Variants in TNXB observed in about 807,000 individuals in gnomAD.
The protein encoded by TNXB is tenascin XB, also known as tenascin-X.
In TNXB, 183 loss-of-function variants were observed where a neutral mutation model predicts 340.5. The observed-to-expected ratio is 0.54, with a 90% CI of 0.48 to 0.61. The LOEUF is 0.61. Ranked by LOEUF, TNXB falls within the 20% of genes least tolerant of loss-of-function variation. The probability of loss-of-function intolerance (pLI) is 0.00; values close to 1 mark genes in which losing one functional copy is unlikely to be tolerated. For synonymous variants in TNXB, 2,121 were observed against 2,314.5 expected, an observed-to-expected ratio of 0.92 and a Z score of 2.40; for missense variants, 4,613 against 5,446.4, an observed-to-expected ratio of 0.85 and a Z score of 4.82.
At chr6:32,099,969 A>C (rs1780632428) in intron 1 of TNXB, among the ~76,000 whole-genome samples, 1 of 150,672 alleles carries the variant, frequency 6.6e-6, no homozygotes, top group Non-Finnish European at 1.5e-5. Context: ...AAAAAAAAAA[A>C]ACAGTCATTC....
At chr6:32,060,893 C>T (rs996326368) in intron 21 of TNXB, among the ~76,000 whole-genome samples, 3 of 152,030 alleles carry the variant, frequency 2.0e-5, no homozygotes, top group African/African-American at 7.3e-5. Context: ...CCCGCCTCGG[C>T]CTCCCAAAGT....
chr6:32,056,588 G>A lies in TNXB; in HGVS notation c.8141C>T (p.Thr2714Met), dbSNP rs1192872355. Residue 2714 changes from threonine (T) to methionine (M), a missense_variant and splice_region_variant, in exon 23 of 44, where the codon ACG becomes ATG. Physicochemically the swap from Thr to Met is moderately conservative, Grantham distance 81. Transcript: ENST00000644971. The part of the protein sequence containing the change: ...RVGPISVIGV[T>M]AAEEETPSPT... ...TGGGGCTGCCATCATCCACTCACCC[G>A]TCACCCCAATGACAGAGATGGGGCC... 2.9e-5 allele frequency: 47 copies of A among 1,612,684 alleles called. No individual in the cohort carries two copies. The highest frequency in any genetic ancestry group is 5.5e-5 in the South Asian group (5 of 91,074).
rs781372422 is a variant in TNXB at position 32,055,831 on chromosome 6, C to T, written c.8467+20G>A. ...AAGCAACATCTTCTAGGGCCATCTTCCTCACTCACAAACACTCACCTGTCA... is the reference window on the plus strand; with the variant it reads ...AAGCAACATCTTCTAGGGCCATCTTTCTCACTCACAAACACTCACCTGTCA... On this transcript the variant is annotated intron_variant, in intron 24 of 43. Transcript: ENST00000644971. The T allele has an allele frequency of 6.3e-7, 1 of 1,597,652 alleles. No homozygotes were observed. Among genetic ancestry groups the T allele is most frequent in the East Asian group, 2.2e-5 (1 of 44,448 alleles).
rs1228236916 is a variant in TNXB, at chr6:32,081,589, G to A, written c.3821C>T (p.Pro1274Leu). The A allele has an allele frequency of 5.6e-6, 9 of 1,602,816 alleles. No individual in the cohort carries two copies. The highest frequency in any genetic ancestry group is 1.3e-5 in the African/African-American group (1 of 74,808). ...TGTCCATGAGAGACGCAAGGAGTCT[G>A]GGGTCACGCCGGTCACTGTCAGTTC... ...LGELTVTGVT[P>L]DSLRLSWTVA... The change falls in exon 10 of 44, where the codon CCA (proline) becomes CTA (leucine). Residue 1274 changes from proline to leucine, a missense_variant. Physicochemically the swap from Pro to Leu is moderately conservative, Grantham distance 98. Coordinates refer to ENST00000644971, the MANE Select transcript of TNXB (RefSeq NM_001365276.2). The surrounding 1 kb of genome is among the most constrained non-coding windows in gnomAD (Gnocchi z 5.1).
Position 32,084,221 on chromosome 6 carries a change from C to T in TNXB, c.3445+192G>A, listed in dbSNP as rs1687821232. On this transcript the variant is annotated intron_variant, in intron 8 of 43. Transcript: ENST00000644971. The surrounding 1 kb of genome is among the most constrained non-coding windows in gnomAD (Gnocchi z 5.5). ...GGCCATGCTCTCCCCACCTTACTCA[C>T]CGTGACTCCCTCAGGCTGCACTGAG... is the stretch of plus-strand genomic sequence containing the variant. 6.6e-6 allele frequency among the ~76,000 whole-genome samples: 1 copy of T among 152,198 alleles called. No individual in the cohort carries two copies. The highest frequency in any genetic ancestry group is 2.4e-5 in the African/African-American group (1 of 41,438).
At chr6:32,102,551 A>G (rs900431538) in intron 1 of TNXB, among the ~76,000 whole-genome samples, 1 of 151,448 alleles carries the variant, frequency 6.6e-6, no homozygotes. Flanking sequence ...ATACTCTTAT[A>G]TACCCTTCCT....
At chr6:32,092,518 G>A (rs1780119888) in intron 4 of TNXB, among the ~76,000 whole-genome samples, 2 of 152,094 alleles carry the variant, frequency 1.3e-5, no homozygotes, top group African/African-American at 4.8e-5. Flanking sequence ...AATATACTCT[G>A]TACCCACAGA....
In TNXB at chr6:32,085,641, G is replaced by T; in HGVS notation, c.3148+109C>A. The T allele has an allele frequency of 2.3e-6, 3 of 1,298,026 alleles. No homozygotes were observed. The highest frequency in any genetic ancestry group is 3.1e-6 in the Non-Finnish European group (3 of 983,272). 80.4% of individuals were successfully genotyped at this position (1,298,026 alleles called of 1,614,324 possible). On this transcript the variant is annotated intron_variant, in intron 7 of 43. Transcript: ENST00000644971. The surrounding 1 kb of genome is among the most constrained non-coding windows in gnomAD (Gnocchi z 6.4). Reference sequence around the variant, plus strand: ...CTCCTCTATCCAGCCCCAAACATCAGCCCTGCCCTTCACTGGCCCCTCAAT... The same window carrying T: ...CTCCTCTATCCAGCCCCAAACATCATCCCTGCCCTTCACTGGCCCCTCAAT...
Position 32,049,716 on chromosome 6 carries a change from TG to T in TNXB, c.9440-130del. 1.6e-6 allele frequency: 2 copies of T among 1,236,498 alleles called. No homozygotes were observed. Among genetic ancestry groups the T allele is most frequent in the Non-Finnish European group, 1.1e-6 (1 of 905,034 alleles). The allele number at this position is 1,236,498 out of a possible 1,614,324, so 76.6% of individuals were successfully genotyped here. A position where few individuals can be genotyped will look rare whatever the true frequency, so the allele number is the denominator to read the frequency against. On this transcript the variant is annotated intron_variant, in intron 27 of 43. Coordinates refer to ENST00000644971, the MANE Select transcript of TNXB (RefSeq NM_001365276.2). This position sits in a 1 kb window ranked among gnomAD's most constrained non-coding sequence, Gnocchi z 4.5. Reference sequence around the variant, plus strand: ...AGAGAAGTCCATTCTTGGGGCTGGGTGGTCCTGCTCAGCTGACAGCTAACAC... The same window carrying T: ...AGAGAAGTCCATTCTTGGGGCTGGGTGTCCTGCTCAGCTGACAGCTAACAC...
chr6:32,056,134 A>C lies in TNXB; in HGVS notation c.8184T>G (p.Thr2728=), dbSNP rs1007352648. 9 of 1,612,280 alleles carry C rather than the reference A, an allele frequency of 5.6e-6. No homozygotes were observed. In the African/African-American group the frequency reaches 9.4e-5, roughly 17 times the overall value. ...EETPSPTELS[T]EAPEPPEEPL... is the part of the protein sequence containing the mutation. Reference sequence around the variant, plus strand: ...GCTCCTCAGGGGGCTCCGGGGCCTCAGTGCTGAGTTCCGTGGGGCTGGGGG... The same window carrying C: ...GCTCCTCAGGGGGCTCCGGGGCCTCCGTGCTGAGTTCCGTGGGGCTGGGGG... Residue 2728 remains threonine, a synonymous_variant, in exon 24 of 44, where the codon ACT becomes ACG. Coordinates refer to ENST00000644971, the MANE Select transcript of TNXB (RefSeq NM_001365276.2).
Position 32,042,511 on chromosome 6 carries a change from G to A in TNXB, c.12154C>T (p.Arg4052Cys), listed in dbSNP as rs555934711. The change falls in exon 40 of 44, where the codon CGC (arginine) becomes TGC (cysteine). Residue 4052 changes from arginine (R) to cysteine (C), a missense_variant. Physicochemically the swap from Arg to Cys is radical, Grantham distance 180. Transcript: ENST00000644971. ...CAAAACACGTTCAGGGGCCGCTCGC[G>A]GTTGCCGTTGAGGAAGATGGTGCTG... ...RTSTIFLNGN[R>C]ERPLNVFCDM... 16 of 1,612,588 alleles carry A rather than the reference G, an allele frequency of 9.9e-6. No individual in the cohort carries two copies. Among genetic ancestry groups the A allele is most frequent in the African/African-American group, 2.7e-5 (2 of 74,916 alleles).
In TNXB at chr6:32,069,582, A is replaced by G; in HGVS notation, c.5558T>C (p.Val1853Ala). The G allele has an allele frequency of 6.3e-7, 1 of 1,589,736 alleles. No homozygotes were observed. The highest frequency in any genetic ancestry group is 1.3e-5 in the African/African-American group (1 of 74,626). The change falls in exon 15 of 44, where the codon GTG (valine) becomes GCG (alanine). Residue 1853 changes from valine to alanine, a missense_variant. Physicochemically the swap from Val to Ala is moderately conservative, Grantham distance 64. Transcript: ENST00000644971. The surrounding 1 kb of genome is among the most constrained non-coding windows in gnomAD (Gnocchi z 6.2). ...AATGGCGACGGCCGAGATGGGGCCCACACGCTTGCCGTGGTGCAGCCCGTA... is the reference window on the plus strand; with the variant it reads ...AATGGCGACGGCCGAGATGGGGCCCGCACGCTTGCCGTGGTGCAGCCCGTA... ...LLYGLHHGKRVGPISAVAITA... is the reference protein window; with the variant it reads ...LLYGLHHGKRAGPISAVAITA...
chr6:32,097,576 G>T lies in TNXB; in HGVS notation c.404-127C>A. ...TCTCATAAGGCCATGTCTGCTCCCA[G>T]TTGCTAGTATGTGTAATGTATGCAG... On this transcript the variant is annotated intron_variant, in intron 2 of 43. Transcript: ENST00000644971. The surrounding 1 kb of genome is among the most constrained non-coding windows in gnomAD (Gnocchi z 5.9). The T allele has an allele frequency of 8.0e-7, 1 of 1,250,876 alleles. No individual in the cohort carries two copies. The highest frequency in any genetic ancestry group is 1.1e-6 in the Non-Finnish European group (1 of 922,272). 77.5% of individuals were successfully genotyped at this position (1,250,876 alleles called of 1,614,324 possible).
chr6:32,063,293 CAGG>C (rs1308496267), intron 19 of TNXB, among the ~76,000 whole-genome samples: 1 of 151,808 alleles, frequency 6.6e-6, no homozygotes, highest in African/African-American at 2.4e-5. Flanking sequence ...AAGGCTGAGG[CAGG>C]AGAACTGCTT....
At chr6:32,095,378 CA>C (rs1780271887) in intron 3 of TNXB, among the ~76,000 whole-genome samples, 187 bp from the exon 4 acceptor site, 1 of 152,144 alleles carries the variant, frequency 6.6e-6, no homozygotes, top group African/African-American at 2.4e-5. Flanking sequence ...TCTTCAGGAG[CA>C]CAGAATCTCC....
rs374172438 is a variant in TNXB at position 32,064,843 on chromosome 6, G to A, written c.6819C>T (p.Pro2273=). 487 of 1,610,582 alleles carry A rather than the reference G, an allele frequency of 3.0e-4. 7 individuals are homozygous for A. The South Asian group carries it at 3.8e-3, about 13-fold the overall frequency. Residue 2273 remains proline (P), a synonymous_variant, in exon 19 of 44, where the codon CCC becomes CCT. Transcript: ENST00000644971. The surrounding 1 kb of genome is among the most constrained non-coding windows in gnomAD (Gnocchi z 5.3). ...CACCAGTTAAACCAACAGCAGACACGGGGCCCACGCGCTGGCCACCGTGGA... is the reference window on the plus strand; with the variant it reads ...CACCAGTTAAACCAACAGCAGACACAGGGCCCACGCGCTGGCCACCGTGGA... ...YGFHGGQRVG[P]VSAVGLTAPG...
rs571167781 is a variant in TNXB, at chr6:32,079,364, A to C, written c.4044T>G (p.Ala1348=). The part of the protein sequence containing the change: ...VGPESVVAKT[A]PQEDVDETPS... ...GGGTCTCGTCCACATCCTCCTGAGG[A>C]GCTGAGAGAAGAGATAGAGGCATAA... The change falls in exon 11 of 44, where the codon GCT becomes GCG. Residue 1348 remains alanine, a splice_region_variant and synonymous_variant. Transcript: ENST00000644971. The surrounding 1 kb of genome is among the most constrained non-coding windows in gnomAD (Gnocchi z 7.1). 42 of 1,597,640 alleles carry C rather than the reference A, an allele frequency of 2.6e-5. No individual in the cohort carries two copies. The highest frequency in any genetic ancestry group is 3.5e-5 in the Non-Finnish European group (41 of 1,172,054).
rs762095976 is a variant in TNXB, at chr6:32,053,446, G to A, written c.8733C>T (p.Asn2911=). ...GLEPDHKYKM[N]LYGFHGGQRV... The stretch of plus-strand genomic sequence containing the variant: ...GCTGGCCACCGTGGAAGCCGTACAG[G>A]TTCATCTTGTACTTGTGGTCTGGCT... Residue 2911 remains asparagine (N), a synonymous_variant, in exon 25 of 44, where the codon AAC becomes AAT. Coordinates refer to ENST00000644971, the MANE Select transcript of TNXB (RefSeq NM_001365276.2). The A allele has an allele frequency of 1.4e-5, 23 of 1,613,134 alleles. No homozygotes were observed. Among genetic ancestry groups the A allele is most frequent in the African/African-American group, 4.0e-5 (3 of 74,920 alleles).
rs1485800263 is a variant in TNXB at position 32,073,219 on chromosome 6, G to T, written c.4681+428C>A. Among the ~76,000 whole-genome samples, 1 of 152,076 alleles carries T rather than the reference G, an allele frequency of 6.6e-6. No individual in the cohort carries two copies. Among genetic ancestry groups the T allele is most frequent in the Non-Finnish European group, 1.5e-5 (1 of 68,006 alleles). On this transcript the variant is annotated intron_variant, in intron 12 of 43. Coordinates refer to ENST00000644971, the MANE Select transcript of TNXB (RefSeq NM_001365276.2). The surrounding 1 kb of genome is among the most constrained non-coding windows in gnomAD (Gnocchi z 4.6). ...AATGCAGTGCAGGCAGGTGGCAGAG[G>T]ACTCCTGAGAAGGGACTCAGGATGT...
Sources: allele counts gnomAD v4.1 joint callset (sites outside exome capture counted in the v4.1 genomes callset), GRCh38; gene constraint gnomAD v4.1.1; non-coding constraint Gnocchi (gnomAD v3.1); transcripts MANE v1.5; gene names NCBI Gene and HGNC (gene_info 2026-07-23, HGNC 2026-07-21).